Variants in PTPRK observed in about 807,000 individuals in gnomAD.
PTPRK encodes receptor-type tyrosine-protein phosphatase kappa.
In PTPRK, 75 loss-of-function variants were observed where a neutral mutation model predicts 178.0. The observed-to-expected ratio is 0.42, with a 90% CI of 0.35 to 0.51. The LOEUF (loss-of-function observed/expected upper bound fraction) is 0.51. Ranked by LOEUF, PTPRK falls within the 20% of genes least tolerant of loss-of-function variation. The probability of loss-of-function intolerance (pLI) is 0.02; values close to 1 mark genes in which losing one functional copy is unlikely to be tolerated. For synonymous variants in PTPRK, 637 were observed against 620.6 expected (o/e 1.03, Z -0.39); for missense variants, 1,441 against 1,797.8 (o/e 0.80, Z 3.59).
intron 1 of PTPRK, among the ~76,000 whole-genome samples, chr6:128,454,070 C>T (rs764641379): frequency 2.6e-5 from 4 of 152,132 alleles, no homozygotes; most frequent in Non-Finnish European, 2.9e-5. Context: ...GCAACAGCAA[C>T]GGTCTTCAGC....
At chr6:128,206,640 T>C (rs954656122) in intron 6 of PTPRK, among the ~76,000 whole-genome samples, 1 of 152,162 alleles carries the variant, frequency 6.6e-6, no homozygotes, top group Non-Finnish European at 1.5e-5. Flanking sequence ...TGATACATTT[T>C]TTGTGTTCAT....
At chr6:128,459,191 T>C (rs913616600) in intron 1 of PTPRK, among the ~76,000 whole-genome samples, 3 of 152,094 alleles carry the variant, frequency 2.0e-5, no homozygotes, top group Non-Finnish European at 4.4e-5. Context: ...TAATATCCAA[T>C]AAATCAAAAA....
intron 2 of PTPRK, among the ~76,000 whole-genome samples, chr6:128,378,289 G>A (rs564579055): frequency 5.3e-5 from 8 of 152,048 alleles, no homozygotes; most frequent in South Asian, 2.1e-4. Context: ...CAGAATTTTC[G>A]GATGTTTGAT....
At chr6:128,090,108 T>C in intron 7 of PTPRK, 116 bp from the exon 8 acceptor site, 1 of 834,988 alleles carries the variant, frequency 1.2e-6, no homozygotes, top group South Asian at 1.9e-5. Flanking sequence ...GGAAGTCATG[T>C]TTTATTTTCC....
intron 1 of PTPRK, among the ~76,000 whole-genome samples, chr6:128,490,192 A>C (rs1019993280): frequency 6.6e-6 from 1 of 152,210 alleles, no homozygotes; most frequent in African/African-American, 2.4e-5. Context: ...AGACTACAAA[A>C]GCATTCTTTT....
At chr6:128,417,943 C>T (rs1843023814) in intron 1 of PTPRK, among the ~76,000 whole-genome samples, 2 of 152,184 alleles carry the variant, frequency 1.3e-5, no homozygotes, top group Non-Finnish European at 2.9e-5. Flanking sequence ...TATCACATTA[C>T]TTCCCACCCA....
chr6:128,404,522 A>G (rs988220959), intron 1 of PTPRK, among the ~76,000 whole-genome samples: 1 of 152,216 alleles, frequency 6.6e-6, no homozygotes, highest in African/African-American at 2.4e-5. Flanking sequence ...TCTTTGTTTT[A>G]AATACAGGTA....
At chr6:128,108,154 T>G (rs1475567911) in intron 7 of PTPRK, among the ~76,000 whole-genome samples, 1 of 151,152 alleles carries the variant, frequency 6.6e-6, no homozygotes, top group Non-Finnish European at 1.5e-5. Flanking sequence ...TAAAGCACAT[T>G]CTTTAAGTGC....
chr6:128,409,210 AT>A (rs1223943046), intron 1 of PTPRK: 5 of 377,038 alleles, frequency 1.3e-5, no homozygotes, highest in Middle Eastern at 7.2e-4. Flanking sequence ...CACCAATAGC[AT>A]TTTAAGTCAG....
chr6:128,445,200 T>TTATATATATATATA (rs779511665), intron 1 of PTPRK, among the ~76,000 whole-genome samples: 8 of 132,430 alleles, frequency 6.0e-5, no homozygotes, highest in African/African-American at 2.5e-4. Context: ...ACTATTTTAT[T>TTATATATATATATA]TATATATATA....
chr6:128,238,209 A>AAAAAAAAAAAAAC, intron 5 of PTPRK: 1 of 349,970 alleles, frequency 2.9e-6, no homozygotes, highest in Non-Finnish European at 5.2e-6. Flanking sequence ...AAAAGAAAAG[A>AAAAAAAAAAAAAC]AAAAAAAAAG....
intron 4 of PTPRK, among the ~76,000 whole-genome samples, chr6:128,240,375 T>C (rs193070807): frequency 2.0e-5 from 3 of 152,282 alleles, no homozygotes; most frequent in Admixed American, 6.5e-5. Flanking sequence ...TGTTCCATAA[T>C]TGCTGGAGTA....
intron 2 of PTPRK, among the ~76,000 whole-genome samples, chr6:128,342,828 T>C (rs1266986676): frequency 6.6e-6 from 1 of 152,118 alleles, no homozygotes; most frequent in Non-Finnish European, 1.5e-5. Flanking sequence ...AGCACACACC[T>C]GTAGTCTCAG....
At chr6:128,424,887 A>G (rs901118228) in intron 1 of PTPRK, among the ~76,000 whole-genome samples, 18 of 152,298 alleles carry the variant, frequency 1.2e-4, no homozygotes, top group East Asian at 1.2e-3. Flanking sequence ...ACCATGTATC[A>G]GCCACATACA....
At chr6:128,183,224 C>G (rs1802219612) in intron 7 of PTPRK, among the ~76,000 whole-genome samples, 1 of 152,096 alleles carries the variant, frequency 6.6e-6, no homozygotes, top group Admixed American at 6.6e-5. Context: ...ATTATGGGGT[C>G]AACTTGCCTC....
chr6:128,070,892 A>G (rs1424917285), intron 11 of PTPRK, among the ~76,000 whole-genome samples: 1 of 151,680 alleles, frequency 6.6e-6, no homozygotes, highest in Non-Finnish European at 1.5e-5. Context: ...AAATGAATAC[A>G]TTGCTTTTGC....
At position 128,322,341 on chromosome 6, in the gene PTPRK, A is replaced by T. The variant is rs776573473; in HGVS notation, c.224-31T>A. ...ATGACATTACAAATAATAATGCTAA[A>T]GAGATATATAAGCAAAGGGAACATA... On this transcript the variant is annotated intron_variant, in intron 2 of 29. Transcript: ENST00000368226. The T allele has an allele frequency of 2.1e-5, 32 of 1,514,926 alleles. No individual in the cohort carries two copies. The Admixed American group carries it at 5.3e-4, about 25-fold the overall frequency. The allele number at this position is 1,514,926 out of a possible 1,614,324, so 93.8% of individuals were successfully genotyped here.
chr6:128,171,142 T>C (rs1399075931), intron 7 of PTPRK, among the ~76,000 whole-genome samples: 2 of 151,700 alleles, frequency 1.3e-5, no homozygotes, highest in Non-Finnish European at 2.9e-5. Context: ...GAGTGAGAAA[T>C]GGAAAGAAGA....
chr6:128,239,421 C>A lies in PTPRK; in HGVS notation c.693+614G>T, dbSNP rs546093714. ...CTGAAGGCAAGGCATATTTCTTAGTCTATAGTTTTATCTCAGATTCTTTTA... is the reference window on the plus strand; with the variant it reads ...CTGAAGGCAAGGCATATTTCTTAGTATATAGTTTTATCTCAGATTCTTTTA... On this transcript the variant is annotated intron_variant, in intron 5 of 29. Transcript: ENST00000368226. Among the ~76,000 whole-genome samples, 12 of 152,266 alleles carry A rather than the reference C, an allele frequency of 7.9e-5. No homozygotes were observed. The South Asian group carries it at 2.5e-3, about 32-fold the overall frequency.
Sources: allele counts gnomAD v4.1 joint callset (sites outside exome capture counted in the v4.1 genomes callset), GRCh38; gene constraint gnomAD v4.1.1; transcripts MANE v1.5; gene names NCBI Gene and HGNC (gene_info 2026-07-23, HGNC 2026-07-21).